The following TMEFF2 variants were observed in gnomAD, a reference collection of about 807,000 sequenced individuals.
The protein encoded by TMEFF2 is tomoregulin-2.
TMEFF2 carries 28 observed loss-of-function variants against 53.8 expected under a neutral mutation model. That is an observed-to-expected ratio of 0.52 (90% CI 0.39 to 0.71). TMEFF2 has a LOEUF of 0.71. Among genes scored for constraint, TMEFF2 ranks in the 30% least tolerant of loss-of-function variants. TMEFF2 has a pLI of 0.00. For synonymous variants in TMEFF2, 162 were observed against 166.3 expected (o/e 0.97, Z 0.20); for missense variants, 353 against 455.2 (o/e 0.78, Z 2.04).
At chr2:191,989,933 T>C (rs1686062864) in intron 7 of TMEFF2, among the ~76,000 whole-genome samples, 1 of 152,152 alleles carries the variant, frequency 6.6e-6, no homozygotes, top group African/African-American at 2.4e-5. Flanking sequence ...TTTCTGAGAA[T>C]ACCAAACCCC....
At chr2:192,159,507 T>C (rs541774901) in intron 4 of TMEFF2, among the ~76,000 whole-genome samples, 1 of 152,256 alleles carries the variant, frequency 6.6e-6, no homozygotes, top group African/African-American at 2.4e-5. Context: ...AAGAATAGCA[T>C]GAAACTTAAT....
rs536296311 is a variant in TMEFF2, at chr2:191,971,117, T to C, written c.746-14739A>G. Among the ~76,000 whole-genome samples, 260 of 152,328 alleles carry C rather than the reference T, an allele frequency of 1.7e-3. 2 individuals are homozygous for C. Among genetic ancestry groups the C allele is most frequent in the African/African-American group, 5.9e-3 (244 of 41,568 alleles). ...ATAACTGGAGTGCAAAAAACTACTT[T>C]AGAAACAGTTAAGGATCCAATGTGA... On this transcript the variant is annotated intron_variant, in intron 7 of 9. Transcript: ENST00000272771.
At chr2:192,085,598 G>A (rs906268007) in intron 4 of TMEFF2, among the ~76,000 whole-genome samples, 6 of 151,692 alleles carry the variant, frequency 4.0e-5, no homozygotes, top group Non-Finnish European at 8.8e-5. Flanking sequence ...GTTCCATCTC[G>A]CTATCTCAAC....
intron 4 of TMEFF2, among the ~76,000 whole-genome samples, chr2:192,082,135 A>C (rs1454246094): frequency 1.3e-5 from 2 of 152,130 alleles, no homozygotes; most frequent in African/African-American, 4.8e-5. Flanking sequence ...ATTTTTTGCC[A>C]TTACAGTTAA....
chr2:192,077,775 T>C (rs540714978), intron 4 of TMEFF2, among the ~76,000 whole-genome samples: 28 of 151,830 alleles, frequency 1.8e-4, no homozygotes, highest in Admixed American at 1.3e-3. Flanking sequence ...TATATACTTG[T>C]ACACATACAA....
At chr2:192,139,609 T>C (rs1026108595) in intron 4 of TMEFF2, among the ~76,000 whole-genome samples, 1 of 152,178 alleles carries the variant, frequency 6.6e-6, no homozygotes, top group African/African-American at 2.4e-5. Context: ...AAAGTCAAAG[T>C]ATAGAATCCA....
At chr2:191,972,346 A>G (rs535098420) in intron 7 of TMEFF2, among the ~76,000 whole-genome samples, 111 of 64,306 alleles carry the variant, frequency 1.7e-3, no homozygotes, top group African/African-American at 6.3e-3. Flanking sequence ...GTATTTTTGT[A>G]GAGATGGAGT....
At chr2:192,150,450 T>C (rs1479873838) in intron 4 of TMEFF2, among the ~76,000 whole-genome samples, 1 of 151,888 alleles carries the variant, frequency 6.6e-6, no homozygotes, top group Non-Finnish European at 1.5e-5. Flanking sequence ...CTTTTTACAA[T>C]GTTAAGAAAC....
At chr2:192,081,890 T>A (rs960028649) in intron 4 of TMEFF2, among the ~76,000 whole-genome samples, 2 of 141,700 alleles carry the variant, frequency 1.4e-5, no homozygotes, top group African/African-American at 5.3e-5. Context: ...AAGCGCCACC[T>A]CCCGGGTTCA....
intron 8 of TMEFF2, among the ~76,000 whole-genome samples, chr2:191,955,210 A>G (rs142827464): frequency 0.01 from 1,583 of 151,972 alleles, 32 homozygotes; most frequent in African/African-American, 0.036. Flanking sequence ...TCTGTTGTAA[A>G]TGAAAATACA....
At chr2:191,976,323 A>G (rs1685727500) in intron 7 of TMEFF2, among the ~76,000 whole-genome samples, 1 of 152,220 alleles carries the variant, frequency 6.6e-6, no homozygotes, top group Non-Finnish European at 1.5e-5. Context: ...TCAGCAAAAG[A>G]GCTGGCAAAT....
chr2:192,133,410 T>C (rs558155885), intron 4 of TMEFF2, among the ~76,000 whole-genome samples: 5 of 152,176 alleles, frequency 3.3e-5, no homozygotes, highest in South Asian at 2.1e-4. Context: ...CAATATCCCA[T>C]CCCACAGCAT....
intron 7 of TMEFF2, among the ~76,000 whole-genome samples, chr2:191,991,399 G>A (rs1379080479): frequency 1.3e-5 from 2 of 152,036 alleles, no homozygotes; most frequent in Admixed American, 1.3e-4. Flanking sequence ...TCAATTTTCA[G>A]ACCAAAAGGA....
chr2:192,100,930 C>T (rs751162271), intron 4 of TMEFF2, among the ~76,000 whole-genome samples: 11 of 152,104 alleles, frequency 7.2e-5, no homozygotes, highest in Non-Finnish European at 1.6e-4. Context: ...TTTTATATTA[C>T]TCCTTTATGG....
At chr2:191,975,572 C>G (rs1031489726) in intron 7 of TMEFF2, among the ~76,000 whole-genome samples, 2 of 151,802 alleles carry the variant, frequency 1.3e-5, no homozygotes, top group Admixed American at 1.3e-4. Flanking sequence ...CAGGAATGGG[C>G]TAATTGCCTT....
chr2:191,998,213 T>A, intron 7 of TMEFF2, 49 bp downstream of exon 7: 1 of 1,410,466 alleles, frequency 7.1e-7, no homozygotes, highest in South Asian at 1.3e-5. Flanking sequence ...TTCCCAGGAC[T>A]CTCTTTTAAT....
chr2:192,013,537 G>A (rs542495191), intron 5 of TMEFF2, among the ~76,000 whole-genome samples: 1 of 150,532 alleles, frequency 6.6e-6, no homozygotes, highest in East Asian at 1.9e-4. Flanking sequence ...TGTAACCTCC[G>A]CCTCCTGGGT....
intron 4 of TMEFF2, among the ~76,000 whole-genome samples, chr2:192,136,628 AT>A (rs1690013742): frequency 6.6e-6 from 1 of 152,010 alleles, no homozygotes; most frequent in Admixed American, 6.6e-5. Context: ...TTCTTTGCGG[AT>A]TATTTCTTCT....
In TMEFF2 at chr2:192,009,417, T is replaced by A. The variant is rs996143704; in HGVS notation, c.537-10209A>T. ...ATCATCATGGAATTAATTCTTAGTG[T>A]TTTTGTAACATGTTATTTCCCAATT... On this transcript the variant is annotated intron_variant, in intron 5 of 9. Transcript: ENST00000272771. 7.2e-4 allele frequency among the ~76,000 whole-genome samples: 109 copies of A among 152,292 alleles called. 1 individual carries two copies. The highest frequency in any genetic ancestry group is 5.4e-4 in the Non-Finnish European group (37 of 68,002).
Sources: gnomAD v4.1 joint callset for allele counts (sites outside exome capture counted in the v4.1 genomes callset) on GRCh38, gnomAD v4.1.1 for gene constraint, MANE v1.5 for transcripts, NCBI Gene and HGNC (gene_info 2026-07-23, HGNC 2026-07-21) for gene names.